Variants in MUTYH observed in about 807,000 individuals in gnomAD.
MUTYH encodes mutY DNA glycosylase.
Under a neutral mutation model 72.9 loss-of-function variants are expected in MUTYH, and 64 were observed. The ratio of observed to expected loss-of-function variants is 0.88; its 90% CI spans 0.72 to 1.08. The LOEUF (loss-of-function observed/expected upper bound fraction) is 1.08. Among genes scored for constraint, MUTYH ranks in the 50% least tolerant of loss-of-function variants. The probability of loss-of-function intolerance (pLI) is 0.00; values close to 1 mark genes in which losing one functional copy is unlikely to be tolerated. For synonymous variants in MUTYH, 234 were observed against 263.1 expected (o/e 0.89, Z 1.07); for missense variants, 633 against 671.0 (o/e 0.94, Z 0.63).
At chr1:45,339,875 C>A in intron 1 of MUTYH, 24 bp downstream of exon 1, 1 of 1,376,326 alleles carries the variant, frequency 7.3e-7, no homozygotes, top group Non-Finnish European at 9.7e-7. Flanking sequence ...AAAGCCCAAA[C>A]CCAGCCACCC....
upstream of MUTYH, chr1:45,340,220 C>T (rs1064795596): frequency 6.2e-7 from 1 of 1,613,844 alleles, no homozygotes; most frequent in Admixed American, 1.7e-5. Flanking sequence ...CCAGCGTACC[C>T]ACAGACGACT....
intron 1 of MUTYH, among the ~76,000 whole-genome samples, chr1:45,334,878 G>A (rs552496132): frequency 6.6e-6 from 1 of 152,254 alleles, no homozygotes; most frequent in South Asian, 2.1e-4. Flanking sequence ...GGAGAATGGG[G>A]GTAGGCGGTT....
intron 15 of MUTYH, among the ~76,000 whole-genome samples, chr1:45,330,229 A>C (rs1414542341): frequency 2.0e-4 from 2 of 9,904 alleles, no homozygotes; most frequent in Admixed American, 1.2e-3. Context: ...AGACTGTCTC[A>C]AAAAAAAAAA....
intron 2 of MUTYH, 64 bp downstream of exon 2, chr1:45,334,327 C>T: frequency 6.2e-7 from 1 of 1,609,288 alleles, no homozygotes; most frequent in Non-Finnish European, 8.5e-7. Context: ...GTATCACAAT[C>T]CCTTCCCAGC....
chr1:45,339,668 G>A (rs1428661664), intron 1 of MUTYH: 2 of 399,334 alleles, frequency 5.0e-6, no homozygotes, highest in East Asian at 1.5e-4. Context: ...CTACCAATCG[G>A]TCGCTCTTAC....
chr1:45,338,472 T>C (rs551250858), intron 1 of MUTYH: 2 of 368,890 alleles, frequency 5.4e-6, no homozygotes, highest in South Asian at 5.9e-5. Context: ...CCCCTCATCT[T>C]ATCCTATCAC....
At chr1:45,339,990 A>G (rs1646749729), upstream of MUTYH, 1 of 1,535,232 alleles carries the variant, frequency 6.5e-7, no homozygotes, top group Non-Finnish European at 8.8e-7. Flanking sequence ...CGCGAGCTCT[A>G]GCGCGCCCGG....
chr1:45,334,251 A>G lies in MUTYH; in HGVS notation c.115+140T>C, dbSNP rs1645520357. 8 of 1,322,718 alleles carry G rather than the reference A, an allele frequency of 6.0e-6. No individual in the cohort carries two copies. In the Admixed American group the frequency reaches 1.4e-4, roughly 23 times the overall value. 81.9% of individuals were successfully genotyped at this position (1,322,718 alleles called of 1,614,324 possible). The stretch of plus-strand genomic sequence containing the variant: ...GGATCCACCTGCCTCGGCCTCCCAA[A>G]GTGCTGGGATTACAGGTGTGAGCCA... On this transcript the variant is annotated intron_variant, in intron 2 of 15. Transcript: ENST00000456914.
At chr1:45,331,635 G>A (rs2149124033) in intron 12 of MUTYH, 26 bp downstream of exon 12, 1 of 1,613,344 alleles carries the variant, frequency 6.2e-7, no homozygotes, top group Non-Finnish European at 8.5e-7. Flanking sequence ...TCATGCCACT[G>A]CCCTCCACGC....
chr1:45,334,106 A>G (rs769944700), intron 2 of MUTYH: 62 of 420,766 alleles, frequency 1.5e-4, no homozygotes, highest in Admixed American at 5.3e-4. Flanking sequence ...TTCCAGGCTC[A>G]AGCGATCCTG....
upstream of MUTYH, chr1:45,340,242 C>T (rs786201933): frequency 1.2e-6 from 2 of 1,613,842 alleles, no homozygotes; most frequent in Non-Finnish European, 1.7e-6. Flanking sequence ...AGGCGGGAGA[C>T]GAGCGGTGTC....
At chr1:45,334,163 C>A (rs76556440) in intron 2 of MUTYH, 3 of 513,792 alleles carry the variant, frequency 5.8e-6, no homozygotes, top group African/African-American at 3.8e-5. Flanking sequence ...CTCACCACCA[C>A]GCGAGCATAG....
Position 45,331,837 on chromosome 1 carries a change from C to T in MUTYH, c.926G>A (p.Gly309Glu), listed in dbSNP as rs1553127007. The T allele has an allele frequency of 6.2e-7, 1 of 1,604,022 alleles. No homozygotes were observed. The highest frequency in any genetic ancestry group is 8.5e-7 in the Non-Finnish European group (1 of 1,175,194). ...PDVEECAPNT[G>E]QCHLCLPPSE... ...GGGAGGCAGGCACAGGTGGCACTGTCCAGTGTTGGGAGCTGGGAACGGAGA... is the reference window on the plus strand; with the variant it reads ...GGGAGGCAGGCACAGGTGGCACTGTTCAGTGTTGGGAGCTGGGAACGGAGA... Residue 309 changes from glycine (G) to glutamate (E), a missense_variant, in exon 12 of 16, where the codon GGA becomes GAA. By Grantham distance (98) the Gly-to-Glu change is moderately conservative (BLOSUM62 -2). Transcript: ENST00000456914.
intron 1 of MUTYH, among the ~76,000 whole-genome samples, chr1:45,336,901 C>G (rs1430627555): frequency 6.6e-6 from 1 of 152,096 alleles, no homozygotes; most frequent in African/African-American, 2.4e-5. Context: ...AATTTGTATG[C>G]CTTTTCTCCA....
intron 14 of MUTYH, 78 bp downstream of exon 14, chr1:45,331,103 TC>T (rs1644743884): frequency 6.3e-7 from 1 of 1,596,354 alleles, no homozygotes; most frequent in Admixed American, 1.7e-5. Context: ...ATGCTTTTTT[TC>T]CTGTTTACAC....
rs771064557 is a variant in MUTYH at position 45,332,609 on chromosome 1, T to A, written c.571A>T (p.Thr191Ser). 1 of 1,614,136 alleles carries A rather than the reference T, an allele frequency of 6.2e-7. No homozygotes were observed. The highest frequency in any genetic ancestry group is 8.5e-7 in the Non-Finnish European group (1 of 1,180,008). The change falls in exon 8 of 16, where the codon ACA becomes TCA. Residue 191 changes from threonine to serine, a missense_variant. Physicochemically the swap from Thr to Ser is moderately conservative, Grantham distance 58. Coordinates refer to ENST00000456914, the MANE Select transcript of MUTYH (RefSeq NM_001048174.2). Reference sequence around the variant, plus strand: ...GCGATAGAGGCAATGGCCCCAGCTGTGTAGCGCCCCACGCCAGGCAGGAGC... The same window carrying A: ...GCGATAGAGGCAATGGCCCCAGCTGAGTAGCGCCCCACGCCAGGCAGGAGC... The part of the protein sequence containing the change: ...QQLLPGVGRY[T>S]AGAIASIAFG...
Position 45,330,532 on chromosome 1 carries a change from T to C in MUTYH, c.1418A>G (p.Gln473Arg), listed in dbSNP as rs1454804175. The C allele has an allele frequency of 6.2e-7, 1 of 1,609,986 alleles. No individual in the cohort carries two copies. Residue 473 changes from glutamine (Q) to arginine (R), a missense_variant, in exon 15 of 16, where the codon CAG (glutamine) becomes CGG (arginine). Gln to Arg is a conservative substitution (Grantham distance 43). Transcript: ENST00000456914. ...GAGACTTACCATACAGGTCCCTGGC[T>C]GTTGGCCCTGATACACACGGAAAAC... is the stretch of plus-strand genomic sequence containing the variant. The part of the protein sequence containing the change: ...KKVFRVYQGQ[Q>R]PGTCMGSKRS...
At position 45,339,896 on chromosome 1, in the gene MUTYH, T is replaced by C. The variant is rs1646706155; in HGVS notation, c.-7+3A>G. 7.1e-7 allele frequency: 1 copy of C among 1,401,786 alleles called. No individual in the cohort carries two copies. The highest frequency in any genetic ancestry group is 9.5e-7 in the Non-Finnish European group (1 of 1,051,602). 86.8% of individuals were successfully genotyped at this position (1,401,786 alleles called of 1,614,324 possible). On this transcript the variant is annotated splice_donor_region_variant and intron_variant, in intron 1 of 15. Coordinates refer to ENST00000456914, the MANE Select transcript of MUTYH (RefSeq NM_001048174.2). ...CAAACCCAGCCACCCCACTACCCGC[T>C]ACCCGCGGCCCACGCTGATGAAGAC...
Position 45,338,756 on chromosome 1 carries a change from TTTG to T in MUTYH, c.-7+1140_-7+1142del, listed in dbSNP as rs376060004. On this transcript the variant is annotated intron_variant, in intron 1 of 15. Transcript: ENST00000456914. ...TTTTTTTATTTTTGTTTTTTTTTTG[TTTG>T]TTTGTTTTGTTTTTAGAGACAGTGT... 0.53 allele frequency: 72,648 copies of T among 136,092 alleles called. 17,635 individuals carry two copies. Among genetic ancestry groups the T allele is most frequent in the South Asian group, 0.63 (2,997 of 4,760 alleles). The allele number at this position is 136,092 out of a possible 1,614,324, so 8.4% of individuals were successfully genotyped here. A position where few individuals can be genotyped will look rare whatever the true frequency, so the allele number is the denominator to read the frequency against.
Sources: allele counts gnomAD v4.1 joint callset (sites outside exome capture counted in the v4.1 genomes callset), GRCh38; gene constraint gnomAD v4.1.1; transcripts MANE v1.5; gene names NCBI Gene and HGNC (gene_info 2026-07-23, HGNC 2026-07-21).